Variants in ERBB4 observed in about 807,000 individuals in gnomAD.
The protein encoded by ERBB4 is receptor tyrosine-protein kinase erbB-4.
Under a neutral mutation model 158.0 loss-of-function variants are expected in ERBB4, and 42 were observed. That is an observed-to-expected ratio of 0.27 (90% CI 0.21 to 0.34). The LOEUF (loss-of-function observed/expected upper bound fraction) is 0.34. ERBB4 is among the 10% of genes least tolerant of loss of function. ERBB4 has a pLI of 1.00. For synonymous variants in ERBB4, 583 were observed against 558.7 expected (o/e 1.04, Z -0.61); for missense variants, 1,333 against 1,624.1 (o/e 0.82, Z 3.08).
At chr2:212,001,359 T>C (rs565179072) in intron 2 of ERBB4, among the ~76,000 whole-genome samples, 1 of 152,278 alleles carries the variant, frequency 6.6e-6, no homozygotes, top group African/African-American at 2.4e-5. Context: ...ATATCTTTCC[T>C]AAGTAATTAG....
chr2:212,124,402 A>C (rs2079854635), intron 2 of ERBB4, among the ~76,000 whole-genome samples: 1 of 152,162 alleles, frequency 6.6e-6, no homozygotes, highest in Non-Finnish European at 1.5e-5. Context: ...GCAGAAATGG[A>C]GACGACTGGC....
At chr2:211,479,200 C>A (rs1383275514) in intron 20 of ERBB4, among the ~76,000 whole-genome samples, 2 of 152,080 alleles carry the variant, frequency 1.3e-5, no homozygotes, top group Non-Finnish European at 2.9e-5. Context: ...AGCACTTTCC[C>A]AGGGGGTGCT....
chr2:211,949,433 T>C (rs148500020), intron 2 of ERBB4, among the ~76,000 whole-genome samples: 76 of 152,330 alleles, frequency 5.0e-4, no homozygotes, highest in Non-Finnish European at 9.4e-4. Context: ...AATTTAGATG[T>C]GCTGTAAGTA....
intron 3 of ERBB4, among the ~76,000 whole-genome samples, chr2:211,893,624 A>T (rs1336859452): frequency 1.5e-5 from 2 of 137,920 alleles, no homozygotes; most frequent in African/African-American, 3.0e-5. Flanking sequence ...TGAACAGGCA[A>T]CCTACAAAAT....
chr2:212,235,447 T>G (rs1271091929), intron 1 of ERBB4, among the ~76,000 whole-genome samples: 2 of 152,216 alleles, frequency 1.3e-5, no homozygotes, highest in Admixed American at 6.5e-5. Context: ...CTCTTGGCTA[T>G]CCGGGCTCTT....
At chr2:211,816,595 C>T (rs1159728457) in intron 3 of ERBB4, among the ~76,000 whole-genome samples, 1 of 141,752 alleles carries the variant, frequency 7.1e-6, no homozygotes, top group South Asian at 2.3e-4. Flanking sequence ...CATGAATAAG[C>T]ATTGATAAAC....
intron 1 of ERBB4, among the ~76,000 whole-genome samples, chr2:212,367,004 A>C (rs1168804615): frequency 6.6e-6 from 1 of 151,984 alleles, no homozygotes; most frequent in Non-Finnish European, 1.5e-5. Context: ...AAGGTTAAAC[A>C]AGGTAATAAG....
At chr2:212,423,594 G>A (rs1242509451) in intron 1 of ERBB4, among the ~76,000 whole-genome samples, 4 of 152,190 alleles carry the variant, frequency 2.6e-5, no homozygotes, top group East Asian at 1.9e-4. Context: ...TTCTGGGTTA[G>A]TGTACAAACA....
chr2:211,591,700 C>G (rs938266462), intron 19 of ERBB4, among the ~76,000 whole-genome samples: 1 of 152,216 alleles, frequency 6.6e-6, no homozygotes, highest in Non-Finnish European at 1.5e-5. Flanking sequence ...CAAAGAGAGT[C>G]TCTTAAAGCT....
In ERBB4 at chr2:211,379,421, T is replaced by A. The variant is rs1376689389; in HGVS notation, c.*4194A>T. ...AAAGGAATAAGAGAATGAGAAAAAA[T>A]TGTTCATTGTAATGCTTTAAAGCAA... On this transcript the variant is annotated 3_prime_UTR_variant, in exon 28 of 28. Coordinates refer to ENST00000342788, the MANE Select transcript of ERBB4 (RefSeq NM_005235.3). 4.4e-6 allele frequency: 1 copy of A among 229,612 alleles called. No individual in the cohort carries two copies. The highest frequency in any genetic ancestry group is 6.2e-5 in the East Asian group (1 of 16,048). 14.2% of individuals were successfully genotyped at this position (229,612 alleles called of 1,614,324 possible).
chr2:211,765,241 G>C lies in ERBB4; in HGVS notation c.557-14537C>G, dbSNP rs144951325. ...ACACCCACCTTGAGCTCAGACACTA[G>C]GCTACCTTTCAAAGCAAAGAACCAG... is the stretch of plus-strand genomic sequence containing the variant. On this transcript the variant is annotated intron_variant, in intron 4 of 27. Coordinates refer to ENST00000342788, the MANE Select transcript of ERBB4 (RefSeq NM_005235.3). Among the ~76,000 whole-genome samples the C allele has an allele frequency of 4.1e-3, 618 of 152,152 alleles. 4 individuals are homozygous for C. The highest frequency in any genetic ancestry group is 0.014 in the African/African-American group (583 of 41,492).
At chr2:211,855,699 G>A (rs2077839387) in intron 3 of ERBB4, among the ~76,000 whole-genome samples, 1 of 152,080 alleles carries the variant, frequency 6.6e-6, no homozygotes, top group Non-Finnish European at 1.5e-5. Context: ...GTGTACTGTA[G>A]CTTTATGATG....
At chr2:212,040,316 G>GT (rs201067543) in intron 2 of ERBB4, among the ~76,000 whole-genome samples, 3,789 of 151,098 alleles carry the variant, frequency 0.025, 54 homozygotes, top group Middle Eastern at 0.038. Flanking sequence ...AATTTTAGTA[G>GT]TTTTTTTTTC....
chr2:211,958,327 A>G (rs181409099), intron 2 of ERBB4, among the ~76,000 whole-genome samples: 1 of 152,262 alleles, frequency 6.6e-6, no homozygotes, highest in East Asian at 1.9e-4. Flanking sequence ...TATAACAAAA[A>G]TTGAGGCCAT....
At chr2:211,588,197 G>T (rs1280818115) in intron 19 of ERBB4, among the ~76,000 whole-genome samples, 1 of 151,962 alleles carries the variant, frequency 6.6e-6, no homozygotes, top group Non-Finnish European at 1.5e-5. Context: ...TTAAAAATTG[G>T]AAGAATATAC....
intron 3 of ERBB4, among the ~76,000 whole-genome samples, chr2:211,911,794 G>A (rs529312959): frequency 1.3e-5 from 2 of 151,188 alleles, no homozygotes; most frequent in South Asian, 4.2e-4. Flanking sequence ...ACAAATTTCA[G>A]TTAGACAGGA....
At chr2:211,757,971 T>C (rs933072442) in intron 4 of ERBB4, among the ~76,000 whole-genome samples, 1 of 152,176 alleles carries the variant, frequency 6.6e-6, no homozygotes, top group Non-Finnish European at 1.5e-5. Flanking sequence ...ATTTGCAGGC[T>C]GAATATAGAA....
At position 211,923,712 on chromosome 2, in the gene ERBB4, G is replaced by GTTGTATTGTATTGTA. The variant is rs113673706; in HGVS notation, c.421+23703_421+23717dup. 2.7e-4 allele frequency among the ~76,000 whole-genome samples: 41 copies of GTTGTATTGTATTGTA among 151,676 alleles called. 1 individual carries two copies. In the South Asian group the frequency reaches 7.3e-3, roughly 27 times the overall value. On this transcript the variant is annotated intron_variant, in intron 3 of 27. Coordinates refer to ENST00000342788, the MANE Select transcript of ERBB4 (RefSeq NM_005235.3). ...TTTTTAGAGGTTGCTCATAATCTAA[G>GTTGTATTGTATTGTA]TTGTATTGTATTGTATTGTATTGTA...
chr2:211,782,319 T>C (rs1442314377), intron 4 of ERBB4, among the ~76,000 whole-genome samples: 4 of 152,196 alleles, frequency 2.6e-5, no homozygotes, highest in Non-Finnish European at 2.9e-5. Context: ...AAGTTGATGC[T>C]TTTTCTGGTT....
Sources: gnomAD v4.1 joint callset for allele counts (sites outside exome capture counted in the v4.1 genomes callset) on GRCh38, gnomAD v4.1.1 for gene constraint, MANE v1.5 for transcripts, NCBI Gene and HGNC (gene_info 2026-07-23, HGNC 2026-07-21) for gene names.